The following SHOC1 variants were observed in gnomAD, a reference collection of about 807,000 sequenced individuals.
The protein encoded by SHOC1 is protein shortage in chiasmata 1 ortholog.
A neutral mutation model predicts 179.2 loss-of-function variants in SHOC1; 136 were observed. That is an observed-to-expected ratio of 0.76 (90% CI 0.66 to 0.87). SHOC1 has a LOEUF of 0.87. Among genes scored for constraint, SHOC1 ranks in the 40% least tolerant of loss-of-function variants. The pLI, the probability that SHOC1 is intolerant of heterozygous loss-of-function variation, is 0.00. For missense variants in SHOC1, 1,538 were observed against 1,700.8 expected (o/e 0.90, Z 1.68); for synonymous variants, 489 against 586.6 (o/e 0.83, Z 2.41).
intron 5 of SHOC1, among the ~76,000 whole-genome samples, chr9:111,774,341 C>T (rs1279107719): frequency 2.0e-5 from 3 of 152,180 alleles, no homozygotes; most frequent in Non-Finnish European, 4.4e-5. Flanking sequence ...CTCTGTCACC[C>T]AAGCTGGAGT....
At chr9:111,781,275 T>C (rs754572195) in intron 3 of SHOC1, 3 of 413,064 alleles carry the variant, frequency 7.3e-6, no homozygotes, top group African/African-American at 2.0e-5. Context: ...CTTTTGCTTA[T>C]ACAGCACTAC....
rs1833907545 is a variant in SHOC1, at chr9:111,738,535, T to TA, written c.1175-14dup. 6.6e-7 allele frequency: 1 copy of TA among 1,525,640 alleles called. No homozygotes were observed. Among genetic ancestry groups the TA allele is most frequent in the Admixed American group, 2.4e-5 (1 of 41,882 alleles). 94.5% of individuals were successfully genotyped at this position (1,525,640 alleles called of 1,614,324 possible). A position where few individuals can be genotyped will look rare whatever the true frequency, so the allele number is the denominator to read the frequency against. On this transcript the variant is annotated splice_polypyrimidine_tract_variant and intron_variant, in intron 11 of 27. Coordinates refer to ENST00000682961, the MANE Select transcript of SHOC1 (RefSeq NM_001378211.1). ...TGAATTCTTGGCACTTAAAAAAAAATAAAAAACAAATAGTTAGAAACAGTC... is the reference window on the plus strand; with the variant it reads ...TGAATTCTTGGCACTTAAAAAAAAATAAAAAAACAAATAGTTAGAAACAGTC...
chr9:111,712,252 T>G (rs1262176073), intron 18 of SHOC1, among the ~76,000 whole-genome samples: 5 of 152,076 alleles, frequency 3.3e-5, no homozygotes, highest in Admixed American at 6.6e-5. Flanking sequence ...ACACCTAGAA[T>G]AATGACAGGA....
rs147239738 is a variant in SHOC1, at chr9:111,713,646, C to T, written c.2416-474G>A. On this transcript the variant is annotated intron_variant, in intron 17 of 27. Transcript: ENST00000682961. ...TATTACCCAAGAGACTATAAAGTTG[C>T]GGTTAAGAAATAGGAGGCACAGAAC... 2.6e-4 allele frequency among the ~76,000 whole-genome samples: 39 copies of T among 152,122 alleles called. No individual in the cohort carries two copies. The East Asian group carries it at 5.0e-3, about 20-fold the overall frequency.
intron 8 of SHOC1, among the ~76,000 whole-genome samples, chr9:111,752,703 A>G (rs538276943): frequency 6.6e-6 from 1 of 152,232 alleles, no homozygotes; most frequent in Non-Finnish European, 1.5e-5. Flanking sequence ...AGATGTAAAG[A>G]AAAATATGGT....
At chr9:111,763,665 G>A (rs912883398) in intron 5 of SHOC1, among the ~76,000 whole-genome samples, 2 of 152,140 alleles carry the variant, frequency 1.3e-5, no homozygotes, top group South Asian at 2.1e-4. Context: ...GGCTGTGAGT[G>A]GAAGTACTGT....
intron 8 of SHOC1, among the ~76,000 whole-genome samples, chr9:111,749,612 C>T (rs1834470839): frequency 6.6e-6 from 1 of 152,118 alleles, no homozygotes; most frequent in African/African-American, 2.4e-5. Context: ...CACAGATCAT[C>T]TCATCACCGA....
At chr9:111,699,833 T>G in intron 24 of SHOC1, 121 bp downstream of exon 24, 1 of 554,180 alleles carries the variant, frequency 1.8e-6, no homozygotes, top group Non-Finnish European at 3.2e-6. Flanking sequence ...TATTCTTTAT[T>G]TAGCTTTTAA....
intron 12 of SHOC1, among the ~76,000 whole-genome samples, chr9:111,728,970 A>G (rs1417072565): frequency 6.6e-6 from 1 of 152,228 alleles, no homozygotes; most frequent in African/African-American, 2.4e-5. Flanking sequence ...TTTATGCTAT[A>G]CTGCAGTGTA....
chr9:111,786,778 A>T (rs761860744), intron 2 of SHOC1, among the ~76,000 whole-genome samples: 1 of 152,194 alleles, frequency 6.6e-6, no homozygotes, highest in African/African-American at 2.4e-5. Context: ...TGTTGTGTGT[A>T]TTCTGACAAA....
At chr9:111,746,135 CAT>C in intron 10 of SHOC1, 97 bp downstream of exon 10, 1 of 678,842 alleles carries the variant, frequency 1.5e-6, no homozygotes, top group East Asian at 2.7e-5. Context: ...TAAATTTTTT[CAT>C]AGAGGTATCT....
At chr9:111,752,814 G>C (rs1181031604) in intron 8 of SHOC1, among the ~76,000 whole-genome samples, 1 of 152,158 alleles carries the variant, frequency 6.6e-6, no homozygotes, top group Non-Finnish European at 1.5e-5. Flanking sequence ...AAAATTCACT[G>C]AATGAGCTTA....
intron 16 of SHOC1, among the ~76,000 whole-genome samples, chr9:111,717,491 G>C (rs1211283326): frequency 6.6e-6 from 1 of 151,876 alleles, no homozygotes; most frequent in Non-Finnish European, 1.5e-5. Flanking sequence ...TTCCTGGGGG[G>C]CTGAGGCAGG....
rs1564129564 is a variant in SHOC1, at chr9:111,727,879, GT to G, written c.1587del (p.Lys529AsnfsTer9). 6.2e-7 allele frequency: 1 copy of G among 1,612,600 alleles called. No homozygotes were observed. Among genetic ancestry groups the G allele is most frequent in the Admixed American group, 1.7e-5 (1 of 59,836 alleles). ...FSDKGAAKEE[K>X]PKNDQEPVNR... ...TTTACTGGTTCTTGGTCATTCTTTG[GT>G]TTTTCTTCTTTTGCTGCTCCTTTAT... On this transcript the variant is annotated frameshift_variant, in exon 13 of 28. Transcript: ENST00000682961. LOFTEE classifies it high-confidence loss of function.
In SHOC1 at chr9:111,692,306, G is replaced by A. The variant is rs779947256; in HGVS notation, c.3671C>T (p.Thr1224Ile). 2 of 1,612,988 alleles carry A rather than the reference G, an allele frequency of 1.2e-6. No individual in the cohort carries two copies. The highest frequency in any genetic ancestry group is 1.1e-5 in the South Asian group (1 of 91,064). Residue 1224 changes from threonine to isoleucine, a missense_variant, in exon 27 of 28, where the codon ACC becomes ATC. Thr to Ile is a moderately conservative substitution (Grantham distance 89). Transcript: ENST00000682961. Reference sequence around the variant, plus strand: ...GGAAGAGTTGTCATTCAAAATGGTGGTTTTGTCTTCCTGCACTGTCTCTCC... The same window carrying A: ...GGAAGAGTTGTCATTCAAAATGGTGATTTTGTCTTCCTGCACTGTCTCTCC... ...GLGETVQEDK[T>I]TILNDNSSIM...
intron 10 of SHOC1, among the ~76,000 whole-genome samples, chr9:111,743,253 T>G (rs910019776): frequency 6.6e-6 from 1 of 152,200 alleles, no homozygotes; most frequent in Admixed American, 6.5e-5. Context: ...TTTCTCCTTG[T>G]TTTTAGTTTT....
rs778720165 is a variant in SHOC1, at chr9:111,738,405, G to C, written c.1292C>G (p.Ala431Gly). The C allele has an allele frequency of 6.2e-7, 1 of 1,612,550 alleles. No homozygotes were observed. Among genetic ancestry groups the C allele is most frequent in the East Asian group, 2.2e-5 (1 of 44,676 alleles). ...NLEKAEWWKQAGLNLKMMETL... is the reference protein window; with the variant it reads ...NLEKAEWWKQGGLNLKMMETL... ...TTCCATCATTTTCAGATTTAGTCCT[G>C]CTTGTTTCCACCACTCTGCCTTTTC... Residue 431 changes from alanine to glycine, a missense_variant, in exon 12 of 28, where the codon GCA becomes GGA. Transcript: ENST00000682961.
intron 3 of SHOC1, among the ~76,000 whole-genome samples, chr9:111,782,377 C>A (rs978794443): frequency 2.6e-5 from 4 of 152,036 alleles, no homozygotes; most frequent in African/African-American, 7.3e-5. Flanking sequence ...GGAAGAATAG[C>A]CTTTTCAGAG....
At chr9:111,788,060 A>G (rs1836322825) in intron 2 of SHOC1, among the ~76,000 whole-genome samples, 1 of 145,320 alleles carries the variant, frequency 6.9e-6, no homozygotes, top group Non-Finnish European at 1.5e-5. Context: ...TAGCATAAAC[A>G]TAACTTTTTT....
Sources: gnomAD v4.1 joint callset for allele counts (sites outside exome capture counted in the v4.1 genomes callset) on GRCh38, gnomAD v4.1.1 for gene constraint, MANE v1.5 for transcripts, NCBI Gene and HGNC (gene_info 2026-07-23, HGNC 2026-07-21) for gene names.